PTPRS: variants seen among roughly 807,000 people sequenced by gnomAD.
PTPRS encodes receptor-type tyrosine-protein phosphatase S.
Under a neutral mutation model 215.3 loss-of-function variants are expected in PTPRS, and 63 were observed. The observed-to-expected ratio is 0.29, with a 90% CI of 0.24 to 0.36. The LOEUF (loss-of-function observed/expected upper bound fraction) is 0.36. Among genes scored for constraint, PTPRS ranks in the 10% least tolerant of loss-of-function variants. PTPRS has a pLI of 1.00. For synonymous variants in PTPRS, 1,404 were observed against 1,191.4 expected (o/e 1.18, Z -3.68); for missense variants, 2,258 against 2,825.8 (o/e 0.80, Z 4.56).
At chr19:5,255,001 T>C (rs1174778097) in intron 9 of PTPRS, among the ~76,000 whole-genome samples, 1 of 152,238 alleles carries the variant, frequency 6.6e-6, no homozygotes, top group African/African-American at 2.4e-5. Context: ...CATGTTTGGA[T>C]ATGTCACTAA....
intron 5 of PTPRS, among the ~76,000 whole-genome samples, chr19:5,263,476 G>A (rs1210691327): frequency 2.0e-5 from 3 of 152,262 alleles, no homozygotes; most frequent in South Asian, 2.1e-4. Context: ...GGGATGATTC[G>A]GGGAGGTACT....
chr19:5,314,874 C>G (rs2049823141), intron 1 of PTPRS, among the ~76,000 whole-genome samples: 1 of 152,136 alleles, frequency 6.6e-6, no homozygotes, highest in Non-Finnish European at 1.5e-5. Flanking sequence ...AACCTCTGAC[C>G]CTTGGATCAT....
At chr19:5,243,116 G>A (rs547809350) in intron 11 of PTPRS, among the ~76,000 whole-genome samples, 1 of 151,828 alleles carries the variant, frequency 6.6e-6, no homozygotes, top group Non-Finnish European at 1.5e-5. Flanking sequence ...ACCAAGCCTG[G>A]CTAGCTCTCT....
rs1038147315 is a variant in PTPRS at position 5,257,739 on chromosome 19, T to C, written c.706+278A>G. On this transcript the variant is annotated intron_variant, in intron 8 of 37. Transcript: ENST00000262963. This position sits in a 1 kb window ranked among gnomAD's most constrained non-coding sequence, Gnocchi z 4.4. ...TGACCCCCTCACCCTGCCCCACGCC[T>C]TCCTACCCCACCATCACTGCCTCCC... 2.0e-5 allele frequency among the ~76,000 whole-genome samples: 3 copies of C among 152,032 alleles called. No homozygotes were observed. Among genetic ancestry groups the C allele is most frequent in the Non-Finnish European group, 2.9e-5 (2 of 67,988 alleles).
intron 1 of PTPRS, among the ~76,000 whole-genome samples, chr19:5,330,678 G>A (rs1219681671): frequency 6.6e-6 from 1 of 152,200 alleles, no homozygotes; most frequent in East Asian, 1.9e-4. Flanking sequence ...CTGAGGCTCA[G>A]GGGAAGGAAA....
intron 12 of PTPRS, 60 bp from the exon 13 acceptor site, chr19:5,239,123 CA>C: frequency 8.4e-7 from 1 of 1,195,522 alleles, no homozygotes; most frequent in Non-Finnish European, 1.2e-6. Context: ...GAGACAGAAA[CA>C]AAGGGGAGAG....
In PTPRS at chr19:5,214,562, C is replaced by T. The variant is rs748467965; in HGVS notation, c.4493G>A (p.Arg1498Gln). Residue 1498 changes from arginine to glutamine, a missense_variant and splice_region_variant, in exon 29 of 38, where the codon CGG (arginine) becomes CAG (glutamine). By Grantham distance (43) the Arg-to-Gln change is conservative. Transcript: ENST00000262963. Reference protein sequence around the residue: ...VMMTRLEEKSRIKCDQYWPNR... With the variant: ...VMMTRLEEKSQIKCDQYWPNR... The stretch of plus-strand genomic sequence containing the variant: ...AGGGCCGTGGGGTCCAAGGCTCACC[C>T]GTGACTTCTCCTCCAGCCGCGTCAT... 5.6e-6 allele frequency: 9 copies of T among 1,611,438 alleles called. No homozygotes were observed. The highest frequency in any genetic ancestry group is 2.2e-5 in the East Asian group (1 of 44,790).
At chr19:5,329,766 T>A (rs1163137508) in intron 1 of PTPRS, among the ~76,000 whole-genome samples, 63 of 119,002 alleles carry the variant, frequency 5.3e-4, no homozygotes, top group African/African-American at 1.7e-3. Context: ...CTCCATCTCC[T>A]AAAAAAAAAA....
rs145930256 is a variant in PTPRS at position 5,324,099 on chromosome 19, C to T, written c.-95+16565G>A. ...ACAAAAATCAGCCAGCATGGTGGCACGTGCCTGTCATTCCAGCTACTCGGG... is the reference window on the plus strand; with the variant it reads ...ACAAAAATCAGCCAGCATGGTGGCATGTGCCTGTCATTCCAGCTACTCGGG... On this transcript the variant is annotated intron_variant, in intron 1 of 37. Transcript: ENST00000262963. 1.1e-3 allele frequency among the ~76,000 whole-genome samples: 161 copies of T among 151,876 alleles called. 2 individuals carry two copies. The East Asian group carries it at 0.024, about 23-fold the overall frequency.
chr19:5,225,867 GC>G (rs2042441380), intron 16 of PTPRS, 23 bp from the exon 17 acceptor site: 2 of 1,598,302 alleles, frequency 1.3e-6, no homozygotes, highest in Non-Finnish European at 1.7e-6. Context: ...CTGGGGGTCA[GC>G]ACGACGGCTG....
chr19:5,238,025 G>A (rs1467883431), intron 13 of PTPRS, among the ~76,000 whole-genome samples: 1 of 152,192 alleles, frequency 6.6e-6, no homozygotes, highest in Non-Finnish European at 1.5e-5. Context: ...AAGAAAGCCT[G>A]GGGTGGCTAC....
intron 37 of PTPRS, among the ~76,000 whole-genome samples, chr19:5,207,277 G>T (rs1336781465): frequency 6.6e-6 from 1 of 152,208 alleles, no homozygotes; most frequent in Non-Finnish European, 1.5e-5. Flanking sequence ...TAGAGACAGG[G>T]TTTCGCCATG....
intron 5 of PTPRS, among the ~76,000 whole-genome samples, chr19:5,263,956 C>A (rs749768424): frequency 6.6e-6 from 1 of 152,192 alleles, no homozygotes. Flanking sequence ...GTGGACATGT[C>A]GTGAAGCGGG....
At chr19:5,298,316 T>C (rs552605805) in intron 1 of PTPRS, among the ~76,000 whole-genome samples, 7 of 152,314 alleles carry the variant, frequency 4.6e-5, no homozygotes, top group Admixed American at 2.6e-4. Flanking sequence ...GGTGACTGCA[T>C]TGGGATGTTC....
intron 1 of PTPRS, among the ~76,000 whole-genome samples, chr19:5,309,906 G>A (rs901254800): frequency 2.0e-5 from 3 of 152,126 alleles, no homozygotes; most frequent in African/African-American, 4.8e-5. Flanking sequence ...ACAGCCAGGG[G>A]TCGCCTGTGA....
intron 2 of PTPRS, among the ~76,000 whole-genome samples, chr19:5,277,396 C>A (rs1316559300): frequency 6.6e-6 from 1 of 152,072 alleles, no homozygotes. Context: ...TGGCTCATGC[C>A]TGTAATCCCA....
Position 5,210,999 on chromosome 19 carries a change from C to T in PTPRS, c.5235-194G>A. 6.6e-6 allele frequency among the ~76,000 whole-genome samples: 1 copy of T among 152,354 alleles called. No individual in the cohort carries two copies. Among genetic ancestry groups the T allele is most frequent in the East Asian group, 1.9e-4 (1 of 5,190 alleles). On this transcript the variant is annotated intron_variant, in intron 33 of 37. Coordinates refer to ENST00000262963, the MANE Select transcript of PTPRS (RefSeq NM_002850.4). This position sits in a 1 kb window ranked among gnomAD's most constrained non-coding sequence, Gnocchi z 4.5. ...TTTTGCATGTGGGGAAACCACCAGT[C>T]TCATGACAAATTCAAATCCCTTGAC...
intron 4 of PTPRS, among the ~76,000 whole-genome samples, chr19:5,270,570 G>A (rs566604116): frequency 7.9e-5 from 12 of 152,182 alleles, no homozygotes; most frequent in East Asian, 1.9e-4. Context: ...TTGGCCTCCC[G>A]AAGTGTTGGC....
In PTPRS at chr19:5,338,627, C is replaced by T. The variant is rs1160562064; in HGVS notation, c.-95+2037G>A. Among the ~76,000 whole-genome samples the T allele has an allele frequency of 6.6e-6, 1 of 151,660 alleles. No homozygotes were observed. Among genetic ancestry groups the T allele is most frequent in the African/African-American group, 2.4e-5 (1 of 41,204 alleles). ...AGCCCCAGCTGCCTGCCTTCCACCG[C>T]CAAAATATCAGCTGGCAAAGAAAGA... On this transcript the variant is annotated intron_variant, in intron 1 of 37. Coordinates refer to ENST00000262963, the MANE Select transcript of PTPRS (RefSeq NM_002850.4). This position sits in a 1 kb window ranked among gnomAD's most constrained non-coding sequence, Gnocchi z 4.2.
Sources: allele counts gnomAD v4.1 joint callset (sites outside exome capture counted in the v4.1 genomes callset), GRCh38; gene constraint gnomAD v4.1.1; non-coding constraint Gnocchi (gnomAD v3.1); transcripts MANE v1.5; gene names NCBI Gene and HGNC (gene_info 2026-07-23, HGNC 2026-07-21).